Variants in INSC observed in about 807,000 individuals in gnomAD.
INSC encodes the protein INSC spindle orientation adaptor protein.
INSC carries 67 observed loss-of-function variants against 58.6 expected under a neutral mutation model. The ratio of observed to expected loss-of-function variants is 1.14; its 90% CI spans 0.94 to 1.40. The LOEUF (loss-of-function observed/expected upper bound fraction) is 1.40. Ranked by LOEUF, INSC falls within the 40% of genes most tolerant of loss-of-function variation. INSC has a pLI of 0.00. For missense variants in INSC, 714 were observed against 692.0 expected (o/e 1.03, Z -0.36); for synonymous variants, 262 against 276.1 (o/e 0.95, Z 0.51).
intron 2 of INSC, among the ~76,000 whole-genome samples, chr11:15,165,853 C>T (rs1225979740): frequency 1.3e-5 from 2 of 151,798 alleles, no homozygotes; most frequent in Non-Finnish European, 2.9e-5. Context: ...CTTGTAGTTG[C>T]TGAACCAGTC....
intron 5 of INSC, among the ~76,000 whole-genome samples, chr11:15,189,298 A>G (rs1437799600): frequency 7.9e-5 from 12 of 152,182 alleles, no homozygotes; most frequent in Admixed American, 7.9e-4. Flanking sequence ...AATCCTTTAT[A>G]TATATTGACA....
At chr11:15,229,978 A>T (rs868134322) in intron 9 of INSC, among the ~76,000 whole-genome samples, 6,384 of 21,846 alleles carry the variant, frequency 0.29, 731 homozygotes, top group African/African-American at 0.43. Flanking sequence ...ATATATATAT[A>T]TTATATATAT....
chr11:15,256,766 G>A, the INSC span, among the ~76,000 whole-genome samples: 697 of 152,214 alleles, frequency 4.6e-3, 9 homozygotes, highest in African/African-American at 0.016. Flanking sequence ...GGGATTACAC[G>A]GGTGAGGCAC....
intron 12 of INSC, 26 bp from the exon 13 acceptor site, chr11:15,245,886 T>A (rs1443470759): frequency 1.9e-6 from 3 of 1,609,618 alleles, no homozygotes; most frequent in Non-Finnish European, 2.5e-6. Context: ...GTCTGACACG[T>A]GTCACCTCTT....
At chr11:15,124,885 C>T (rs368480826) in intron 1 of INSC, among the ~76,000 whole-genome samples, 3 of 152,138 alleles carry the variant, frequency 2.0e-5, no homozygotes, top group East Asian at 1.9e-4. Flanking sequence ...CCCTCCCTCA[C>T]GAATTCATTC....
intron 1 of INSC, among the ~76,000 whole-genome samples, chr11:15,126,818 T>C (rs1848008338): frequency 2.6e-5 from 4 of 152,206 alleles, no homozygotes; most frequent in Admixed American, 2.6e-4. Context: ...GGACCAACTG[T>C]CTCCCATCTT....
the INSC span, among the ~76,000 whole-genome samples, chr11:15,253,632 CT>C: frequency 0.073 from 10,750 of 146,406 alleles, 742 homozygotes; most frequent in African/African-American, 0.19. Flanking sequence ...TTTGCAGGGT[CT>C]TTTTTTTTTT....
chr11:15,120,249 C>G (rs1010442342), intron 1 of INSC, among the ~76,000 whole-genome samples: 1 of 152,194 alleles, frequency 6.6e-6, no homozygotes, highest in Non-Finnish European at 1.5e-5. Flanking sequence ...AGATCATTTG[C>G]TGTGCCAGGG....
chr11:15,113,365 C>T (rs370278281), upstream of INSC, among the ~76,000 whole-genome samples: 3 of 151,976 alleles, frequency 2.0e-5, no homozygotes, highest in Non-Finnish European at 2.9e-5. Flanking sequence ...TTCACCATGT[C>T]GGCCAGGATG....
chr11:15,218,544 C>T (rs999475678), intron 7 of INSC, among the ~76,000 whole-genome samples: 2 of 151,886 alleles, frequency 1.3e-5, no homozygotes, highest in Non-Finnish European at 2.9e-5. Flanking sequence ...TTTGTTAAAA[C>T]TTATTCTCTC....
intron 2 of INSC, among the ~76,000 whole-genome samples, chr11:15,149,841 C>G (rs1848594930): frequency 6.6e-6 from 1 of 152,158 alleles, no homozygotes; most frequent in South Asian, 2.1e-4. Flanking sequence ...TGAACCCTCT[C>G]TCTCTCCCAC....
the INSC span, among the ~76,000 whole-genome samples, chr11:15,262,589 G>A: frequency 6.6e-6 from 1 of 151,356 alleles, no homozygotes; most frequent in East Asian, 1.9e-4. Context: ...TAGAGAGAGG[G>A]GAATTTGTGC....
upstream of INSC, among the ~76,000 whole-genome samples, chr11:15,114,572 G>A (rs1392269225): frequency 2.6e-5 from 4 of 152,112 alleles, no homozygotes; most frequent in Non-Finnish European, 2.9e-5. Flanking sequence ...CCTTGTGGGC[G>A]ACCCCGCCTG....
chr11:15,230,639 C>G (rs887557814), intron 9 of INSC, among the ~76,000 whole-genome samples: 5 of 152,212 alleles, frequency 3.3e-5, no homozygotes, highest in African/African-American at 1.2e-4. Flanking sequence ...AACACCCTGT[C>G]CTGACCTGCT....
At chr11:15,161,244 C>T (rs1464627002) in intron 2 of INSC, among the ~76,000 whole-genome samples, 1 of 152,218 alleles carries the variant, frequency 6.6e-6, no homozygotes, top group Non-Finnish European at 1.5e-5. Flanking sequence ...TGGTGGGTCT[C>T]ATTTTGCCTC....
chr11:15,174,759 C>T (rs1183022381), intron 2 of INSC, among the ~76,000 whole-genome samples: 1 of 152,218 alleles, frequency 6.6e-6, no homozygotes, highest in Non-Finnish European at 1.5e-5. Context: ...TTTTAATTGA[C>T]ACATAACAAT....
At chr11:15,147,766 T>C (rs533915932) in intron 1 of INSC, among the ~76,000 whole-genome samples, 1 of 152,344 alleles carries the variant, frequency 6.6e-6, no homozygotes, top group South Asian at 2.1e-4. Flanking sequence ...CCCTAGTTTA[T>C]TCTGGGCTCC....
At chr11:15,149,440 C>A (rs1286449131) in intron 2 of INSC, among the ~76,000 whole-genome samples, 3 of 152,168 alleles carry the variant, frequency 2.0e-5, no homozygotes, top group Admixed American at 6.5e-5. Flanking sequence ...CAGGCATATC[C>A]CAGTCCCTAA....
the INSC span, among the ~76,000 whole-genome samples, chr11:15,263,596 ATTG>A: frequency 6.1e-4 from 93 of 152,240 alleles, no homozygotes; most frequent in African/African-American, 1.7e-3. Flanking sequence ...TTCATTTTCT[ATTG>A]TTGTTATAAT....
Sources: allele counts gnomAD v4.1 joint callset (sites outside exome capture counted in the v4.1 genomes callset), GRCh38; gene constraint gnomAD v4.1.1; transcripts MANE v1.5; gene names NCBI Gene and HGNC (gene_info 2026-07-23, HGNC 2026-07-21).